NYAP2: variants seen among roughly 807,000 people sequenced by gnomAD.
NYAP2 encodes neuronal tyrosine-phosphorylated phosphoinositide-3-kinase adapter 2.
Under a neutral mutation model 50.4 loss-of-function variants are expected in NYAP2, and 23 were observed. The observed-to-expected ratio is 0.46, with a 90% CI of 0.33 to 0.65. The LOEUF is 0.65. Ranked by LOEUF, NYAP2 falls within the 30% of genes least tolerant of loss-of-function variation. The pLI, the probability that NYAP2 is intolerant of heterozygous loss-of-function variation, is 0.02. For synonymous variants in NYAP2, 394 were observed against 365.2 expected, an observed-to-expected ratio of 1.08 and a Z score of -0.90; for missense variants, 885 against 861.0, an observed-to-expected ratio of 1.03 and a Z score of -0.35.
chr2:225,664,682 G>C, the NYAP2 span, among the ~76,000 whole-genome samples: 1 of 151,834 alleles, frequency 6.6e-6, no homozygotes, highest in Non-Finnish European at 1.5e-5. Context: ...GGATCATCCT[G>C]GCGAACATGG....
At chr2:225,439,191 T>TA (rs1224790698) in intron 3 of NYAP2, among the ~76,000 whole-genome samples, 1 of 152,110 alleles carries the variant, frequency 6.6e-6, no homozygotes, top group East Asian at 1.9e-4. Flanking sequence ...TAGGTGGATT[T>TA]AAAGGATGTA....
intron 3 of NYAP2, among the ~76,000 whole-genome samples, chr2:225,482,255 A>T (rs1271211604): frequency 6.6e-6 from 1 of 152,098 alleles, no homozygotes; most frequent in Non-Finnish European, 1.5e-5. Flanking sequence ...TTTTGCACAT[A>T]AAAATGTGGG....
At chr2:225,490,400 A>T (rs1449275224) in intron 3 of NYAP2, among the ~76,000 whole-genome samples, 1 of 152,212 alleles carries the variant, frequency 6.6e-6, no homozygotes, top group Non-Finnish European at 1.5e-5. Flanking sequence ...ATGTCAAGGC[A>T]TCTTCATGAA....
At chr2:225,448,862 T>G (rs1186516823) in intron 3 of NYAP2, among the ~76,000 whole-genome samples, 2 of 152,330 alleles carry the variant, frequency 1.3e-5, no homozygotes, top group Non-Finnish European at 2.9e-5. Context: ...TCTTTATTTA[T>G]ATTCATGGCC....
the NYAP2 span, among the ~76,000 whole-genome samples, chr2:225,693,032 T>C: frequency 6.6e-6 from 1 of 152,108 alleles, no homozygotes. Flanking sequence ...TGTTAATATC[T>C]TACATTACCA....
chr2:225,589,480 G>T, intron 5 of NYAP2, among the ~76,000 whole-genome samples: 1 of 131,160 alleles, frequency 7.6e-6, no homozygotes, highest in Admixed American at 8.5e-5. Context: ...GAACAGCCTG[G>T]GCAACATACT....
At chr2:225,475,126 A>G (rs932002126) in intron 3 of NYAP2, among the ~76,000 whole-genome samples, 1 of 152,254 alleles carries the variant, frequency 6.6e-6, no homozygotes, top group Non-Finnish European at 1.5e-5. Flanking sequence ...TAGCAAAAGC[A>G]TAAGAAAATA....
At chr2:225,689,695 T>A in the NYAP2 span, among the ~76,000 whole-genome samples, 1 of 152,022 alleles carries the variant, frequency 6.6e-6, no homozygotes, top group Non-Finnish European at 1.5e-5. Flanking sequence ...GAGTCAACAG[T>A]GCTGATAAAT....
At chr2:225,531,523 C>T (rs933632685) in intron 4 of NYAP2, among the ~76,000 whole-genome samples, 2 of 152,100 alleles carry the variant, frequency 1.3e-5, no homozygotes, top group African/African-American at 4.8e-5. Flanking sequence ...GTCCTTTTGT[C>T]GTTGTACCTT....
intron 3 of NYAP2, among the ~76,000 whole-genome samples, chr2:225,489,047 T>G (rs1350425684): frequency 6.6e-6 from 1 of 152,202 alleles, no homozygotes; most frequent in East Asian, 1.9e-4. Context: ...TCATGACTGA[T>G]GATGTCAATG....
At chr2:225,413,383 C>T (rs1389975846) in intron 3 of NYAP2, among the ~76,000 whole-genome samples, 1 of 152,194 alleles carries the variant, frequency 6.6e-6, no homozygotes, top group East Asian at 1.9e-4. Flanking sequence ...AGACTGGCGT[C>T]TGTCCTGCTG....
intron 6 of NYAP2, among the ~76,000 whole-genome samples, chr2:225,628,169 C>A (rs565106896): frequency 4.6e-5 from 7 of 151,942 alleles, no homozygotes; most frequent in Non-Finnish European, 1.0e-4. Context: ...ATGTGGATAA[C>A]CAACTCTAAA....
chr2:225,483,005 G>C (rs73089782), intron 3 of NYAP2, among the ~76,000 whole-genome samples: 1,871 of 152,218 alleles, frequency 0.012, 44 homozygotes, highest in African/African-American at 0.043. Context: ...TTGTGTTTTC[G>C]TAAGAAATAT....
intron 4 of NYAP2, among the ~76,000 whole-genome samples, chr2:225,524,975 A>G (rs997824096): frequency 6.6e-6 from 1 of 152,190 alleles, no homozygotes; most frequent in Non-Finnish European, 1.5e-5. Context: ...CAATAAACAT[A>G]TGAAAAAAAT....
At chr2:225,437,805 T>C (rs1046335394) in intron 3 of NYAP2, among the ~76,000 whole-genome samples, 1 of 152,158 alleles carries the variant, frequency 6.6e-6, no homozygotes, top group African/African-American at 2.4e-5. Context: ...GTTTCAGAAA[T>C]CATGTCAAAC....
At chr2:225,418,490 T>C (rs752719420) in intron 3 of NYAP2, among the ~76,000 whole-genome samples, 34 of 152,080 alleles carry the variant, frequency 2.2e-4, no homozygotes, top group Non-Finnish European at 4.1e-4. Context: ...GGAGGTGAGA[T>C]GTGCTGGAAT....
intron 3 of NYAP2, among the ~76,000 whole-genome samples, chr2:225,510,411 C>T (rs1308926019): frequency 6.6e-6 from 1 of 152,180 alleles, no homozygotes; most frequent in Non-Finnish European, 1.5e-5. Context: ...AATTCATCTT[C>T]TACACCCACA....
intron 4 of NYAP2, among the ~76,000 whole-genome samples, chr2:225,551,605 C>T (rs1274616121): frequency 2.6e-5 from 4 of 152,078 alleles, no homozygotes; most frequent in Non-Finnish European, 5.9e-5. Context: ...AATGTCTATC[C>T]TTTGTAGGCT....
At chr2:225,631,144 A>G (rs1160117134) in intron 6 of NYAP2, among the ~76,000 whole-genome samples, 3 of 152,244 alleles carry the variant, frequency 2.0e-5, no homozygotes, top group East Asian at 3.8e-4. Flanking sequence ...TAGATAGTCC[A>G]TAATTAAACT....
Sources: allele counts gnomAD v4.1 joint callset (sites outside exome capture counted in the v4.1 genomes callset), GRCh38; gene constraint gnomAD v4.1.1; transcripts MANE v1.5; gene names NCBI Gene and HGNC (gene_info 2026-07-23, HGNC 2026-07-21).